The following GABRG3 variants were observed in gnomAD, a reference collection of about 807,000 sequenced individuals.
The protein encoded by GABRG3 is gamma-aminobutyric acid receptor subunit gamma-3.
In GABRG3, 25 loss-of-function variants were observed where a neutral mutation model predicts 48.8. That is an observed-to-expected ratio of 0.51 (90% CI 0.37 to 0.72). The LOEUF (loss-of-function observed/expected upper bound fraction) is 0.72, where lower values mean the gene tolerates loss of function less well. GABRG3 is among the 30% of genes least tolerant of loss of function. The pLI is 0.00. For synonymous variants in GABRG3, 227 were observed against 217.6 expected, an observed-to-expected ratio of 1.04 and a Z score of -0.38; for missense variants, 394 against 577.9, an observed-to-expected ratio of 0.68 and a Z score of 3.26.
chr15:27,065,478 C>G (rs544146358), intron 3 of GABRG3, among the ~76,000 whole-genome samples: 1 of 152,284 alleles, frequency 6.6e-6, no homozygotes, highest in East Asian at 1.9e-4. Context: ...CCCAATTTCT[C>G]TCTCCCTTGG....
At chr15:27,252,028 G>A (rs1890473054) in intron 3 of GABRG3, among the ~76,000 whole-genome samples, 1 of 152,178 alleles carries the variant, frequency 6.6e-6, no homozygotes, top group Admixed American at 6.5e-5. Context: ...TGTGCCCGCT[G>A]GAAAAAGATG....
At chr15:27,034,242 CAG>C (rs1353218833) in intron 3 of GABRG3, among the ~76,000 whole-genome samples, 1 of 152,158 alleles carries the variant, frequency 6.6e-6, no homozygotes, top group Non-Finnish European at 1.5e-5. Flanking sequence ...CCTCTTTCTG[CAG>C]AGTTAGAGAA....
intron 5 of GABRG3, among the ~76,000 whole-genome samples, chr15:27,415,303 G>C (rs1887909336): frequency 6.6e-6 from 1 of 152,014 alleles, no homozygotes; most frequent in Non-Finnish European, 1.5e-5. Flanking sequence ...TTTCTCCTGA[G>C]CTGTATCCAT....
chr15:27,183,139 A>G (rs1160721221), intron 3 of GABRG3, among the ~76,000 whole-genome samples: 1 of 152,010 alleles, frequency 6.6e-6, no homozygotes, highest in Non-Finnish European at 1.5e-5. Flanking sequence ...TTTCCCTATG[A>G]ACAGGCAGCG....
At chr15:27,526,221 T>TC (rs1891273798) in intron 7 of GABRG3, among the ~76,000 whole-genome samples, 1 of 152,190 alleles carries the variant, frequency 6.6e-6, no homozygotes, top group African/African-American at 2.4e-5. Context: ...CTACAAGCTG[T>TC]CCACCCCATG....
chr15:27,252,501 T>TCCCA (rs1890491618), intron 3 of GABRG3, among the ~76,000 whole-genome samples: 1 of 152,212 alleles, frequency 6.6e-6, no homozygotes, highest in South Asian at 2.1e-4. Context: ...GGTCAGAACA[T>TCCCA]GATGCATCCG....
At chr15:27,270,797 A>G (rs976905594) in intron 3 of GABRG3, among the ~76,000 whole-genome samples, 2 of 152,220 alleles carry the variant, frequency 1.3e-5, no homozygotes, top group African/African-American at 4.8e-5. Flanking sequence ...TTTGATTATT[A>G]TACAGCTTAT....
chr15:27,323,350 A>T (rs967103319), intron 3 of GABRG3, among the ~76,000 whole-genome samples: 3 of 152,180 alleles, frequency 2.0e-5, no homozygotes, highest in Non-Finnish European at 2.9e-5. Context: ...TGTAGAGAAT[A>T]TTGGTTACTT....
Position 27,242,058 on chromosome 15 carries a change from T to G in GABRG3, c.271-84751T>G, listed in dbSNP as rs112801317. The stretch of plus-strand genomic sequence containing the variant: ...CCAGGTTTCTCCCTCAGAGCTCTGC[T>G]GTGTCCCGAATTGCTTCCATCCTCC... On this transcript the variant is annotated intron_variant, in intron 3 of 9. Coordinates refer to ENST00000615808, the MANE Select transcript of GABRG3 (RefSeq NM_033223.5). 4.3e-4 allele frequency among the ~76,000 whole-genome samples: 65 copies of G among 152,214 alleles called. 1 individual carries two copies. Among genetic ancestry groups the G allele is most frequent in the Non-Finnish European group, 8.8e-5 (6 of 68,044 alleles).
At chr15:27,446,616 C>CTTA (rs1434672256) in intron 5 of GABRG3, among the ~76,000 whole-genome samples, 3 of 151,912 alleles carry the variant, frequency 2.0e-5, no homozygotes, top group African/African-American at 7.3e-5. Context: ...TTTAATTAAT[C>CTTA]TTATGTATTT....
intron 3 of GABRG3, among the ~76,000 whole-genome samples, chr15:27,055,015 T>G (rs1011610290): frequency 5.4e-5 from 8 of 149,100 alleles, no homozygotes; most frequent in Non-Finnish European, 1.2e-4. Context: ...TGTTTTTTTT[T>G]TTTTTTTTTT....
intron 3 of GABRG3, among the ~76,000 whole-genome samples, chr15:27,265,970 T>G: frequency 6.9e-6 from 1 of 145,512 alleles, no homozygotes; most frequent in East Asian, 2.1e-4. Flanking sequence ...AACATCCACC[T>G]CCCAGGTTCA....
intron 5 of GABRG3, among the ~76,000 whole-genome samples, chr15:27,424,028 C>T (rs1309807955): frequency 6.6e-6 from 1 of 152,062 alleles, no homozygotes; most frequent in Admixed American, 6.5e-5. Context: ...GTATATTCTC[C>T]TGCAGGAAAG....
intron 6 of GABRG3, among the ~76,000 whole-genome samples, chr15:27,509,991 T>C (rs1266310962): frequency 6.6e-6 from 1 of 152,212 alleles, no homozygotes; most frequent in African/African-American, 2.4e-5. Context: ...AGCATGCCTT[T>C]CATTTTGCCC....
chr15:26,983,199 A>G (rs1432133), intron 2 of GABRG3, among the ~76,000 whole-genome samples: 77,948 of 150,702 alleles, frequency 0.52, 20,717 homozygotes, highest in East Asian at 0.9. Flanking sequence ...TATAACCATC[A>G]GGCCTTCTCA....
intron 2 of GABRG3, among the ~76,000 whole-genome samples, chr15:27,001,936 G>C (rs1468722133): frequency 7.1e-6 from 1 of 140,680 alleles, no homozygotes; most frequent in Non-Finnish European, 1.5e-5. Flanking sequence ...GAGTGTTTAG[G>C]GATTGTTTGG....
At chr15:27,485,778 C>T (rs749402426) in intron 6 of GABRG3, among the ~76,000 whole-genome samples, 2 of 151,812 alleles carry the variant, frequency 1.3e-5, no homozygotes, top group African/African-American at 4.8e-5. Flanking sequence ...CAATGGAATT[C>T]CAAATGTGAA....
chr15:26,972,140 C>A (rs1016796493), intron 1 of GABRG3, among the ~76,000 whole-genome samples: 2 of 152,026 alleles, frequency 1.3e-5, no homozygotes, highest in African/African-American at 4.8e-5. Context: ...CCTCCCAGGT[C>A]CTGCAAACAC....
chr15:27,378,873 A>T (rs987052274), intron 5 of GABRG3, among the ~76,000 whole-genome samples: 1 of 152,220 alleles, frequency 6.6e-6, no homozygotes, highest in African/African-American at 2.4e-5. Flanking sequence ...TTATGGGATT[A>T]AAAGAAAGGG....
Sources: gnomAD v4.1 joint callset for allele counts (sites outside exome capture counted in the v4.1 genomes callset) on GRCh38, gnomAD v4.1.1 for gene constraint, MANE v1.5 for transcripts, NCBI Gene and HGNC (gene_info 2026-07-23, HGNC 2026-07-21) for gene names.